The following TMEM94 variants were observed in gnomAD, a reference collection of about 807,000 sequenced individuals.
TMEM94 encodes the protein transmembrane protein 94.
In TMEM94, 81 loss-of-function variants were observed where a neutral mutation model predicts 158.6. The observed-to-expected ratio is 0.51, with a 90% CI of 0.43 to 0.61. The LOEUF is 0.61. Among genes scored for constraint, TMEM94 ranks in the 20% least tolerant of loss-of-function variants. The pLI is 0.00. For synonymous variants in TMEM94, 751 were observed against 730.7 expected (o/e 1.03, Z -0.45); for missense variants, 1,435 against 1,762.0 (o/e 0.81, Z 3.32).
intron 4 of TMEM94, 47 bp from the exon 5 acceptor site, chr17:75,486,243 G>T: frequency 1.2e-6 from 2 of 1,609,730 alleles, no homozygotes; most frequent in Non-Finnish European, 8.5e-7. Context: ...TGCTGGGTGG[G>T]CGAGCCCTCA....
chr17:75,462,401 G>A (rs1346965917), intron 1 of TMEM94, among the ~76,000 whole-genome samples: 1 of 151,298 alleles, frequency 6.6e-6, no homozygotes, highest in Non-Finnish European at 1.5e-5. Context: ...TTGGATTTTT[G>A]GTTTCACATT....
intron 1 of TMEM94, among the ~76,000 whole-genome samples, chr17:75,463,904 T>C (rs1050408171): frequency 6.6e-6 from 1 of 152,226 alleles, no homozygotes; most frequent in Non-Finnish European, 1.5e-5. Flanking sequence ...AAAACTTCCC[T>C]CCAGCTTAAC....
At chr17:75,461,744 A>T (rs974268493) in intron 1 of TMEM94, among the ~76,000 whole-genome samples, 1 of 151,316 alleles carries the variant, frequency 6.6e-6, no homozygotes, top group African/African-American at 2.4e-5. Context: ...TAACATGGTG[A>T]AACCCCGTCT....
In TMEM94 at chr17:75,500,181, G is replaced by C. The variant is rs1001299942; in HGVS notation, c.*847G>C. 5 of 152,320 alleles carry C rather than the reference G, an allele frequency of 3.3e-5. No homozygotes were observed. The highest frequency in any genetic ancestry group is 5.9e-5 in the Non-Finnish European group (4 of 68,116). The allele number at this position is 152,320 out of a possible 1,614,324, so 9.4% of individuals were successfully genotyped here. On this transcript the variant is annotated 3_prime_UTR_variant, in exon 32 of 32. Coordinates refer to ENST00000314256, the MANE Select transcript of TMEM94 (RefSeq NM_014738.6). ...GCCTAAACCTTCCTCCATCTACGCG[G>C]GTGGGTCCCTCAGGTCTGGCTCAGG...
In TMEM94 at chr17:75,494,769, C is replaced by T. The variant is rs2052526433; in HGVS notation, c.2550C>T (p.Arg850=). Residue 850 remains arginine (R), a synonymous_variant, in exon 19 of 32, where the codon CGC becomes CGT. Transcript: ENST00000314256. ...LIDGLVNACI[R]FVYFSLEDEL... is the part of the protein sequence containing the mutation. ...ATGGGCTTGTCAACGCCTGCATCCG[C>T]TTTGTCTACTTCTCTTTGGAGGATG... The T allele has an allele frequency of 2.5e-6, 4 of 1,613,688 alleles. No individual in the cohort carries two copies. Among genetic ancestry groups the T allele is most frequent in the Non-Finnish European group, 3.4e-6 (4 of 1,180,032 alleles).
Position 75,463,069 on chromosome 17 carries a change from TATATATATATACAC to T in TMEM94, c.-107+6320_-107+6333del, listed in dbSNP as rs1386264423. Among the ~76,000 whole-genome samples, 13 of 15,132 alleles carry T rather than the reference TATATATATATACAC, an allele frequency of 8.6e-4. No homozygotes were observed. In the African/African-American group the frequency reaches 0.011, roughly 12 times the overall value. The allele number at this position is 15,132 out of a possible 152,430, so 9.9% of individuals were successfully genotyped here. A position where few individuals can be genotyped will look rare whatever the true frequency, so the allele number is the denominator to read the frequency against. On this transcript the variant is annotated intron_variant, in intron 1 of 31. Transcript: ENST00000314256. ...ATATATATATATATATATATATATA[TATATATATATACAC>T]ACACACACACATATATATGTGTGTA...
intron 6 of TMEM94, 89 bp downstream of exon 6, chr17:75,488,223 T>G (rs1411281352): frequency 4.6e-6 from 6 of 1,300,856 alleles, no homozygotes; most frequent in African/African-American, 1.5e-5. Context: ...ATCCGGAAGC[T>G]TCCCGGCCAG....
chr17:75,493,570 C>T lies in TMEM94; in HGVS notation c.2166C>T (p.Ile722=), dbSNP rs2052408714. ...CAGACTTCTGGGACGGAGCTGACAT[C>T]TACCCTCTCTCGGGATCTGACAGGT... ...ACTDFWDGAD[I]YPLSGSDRKK... is the part of the protein sequence containing the mutation. The change falls in exon 17 of 32, where the codon ATC becomes ATT. Residue 722 remains isoleucine, a synonymous_variant. Transcript: ENST00000314256. 1 of 1,613,934 alleles carries T rather than the reference C, an allele frequency of 6.2e-7. No homozygotes were observed.
At chr17:75,457,841 C>A (rs1319772990) in intron 1 of TMEM94, among the ~76,000 whole-genome samples, 1 of 152,084 alleles carries the variant, frequency 6.6e-6, no homozygotes, top group African/African-American at 2.4e-5. Context: ...AGTTCTTTAT[C>A]CGCTAGACCT....
intron 1 of TMEM94, among the ~76,000 whole-genome samples, chr17:75,462,801 G>T (rs1255340082): frequency 6.9e-6 from 1 of 145,906 alleles, no homozygotes; most frequent in Non-Finnish European, 1.5e-5. Flanking sequence ...GACCAGTCTG[G>T]GCAACATAGC....
At chr17:75,490,479 C>A in intron 10 of TMEM94, 129 bp downstream of exon 10, 1 of 1,108,040 alleles carries the variant, frequency 9.0e-7, no homozygotes, top group Non-Finnish European at 1.3e-6. Context: ...GGCAGCTCTC[C>A]AGGCCTCGGG....
Position 75,489,462 on chromosome 17 carries a change from T to G in TMEM94, c.867+94T>G. 6.7e-7 allele frequency: 1 copy of G among 1,485,492 alleles called. No homozygotes were observed. Among genetic ancestry groups the G allele is most frequent in the Non-Finnish European group, 9.4e-7 (1 of 1,064,698 alleles). The allele number at this position is 1,485,492 out of a possible 1,614,324, so 92.0% of individuals were successfully genotyped here. On this transcript the variant is annotated intron_variant, in intron 8 of 31. Transcript: ENST00000314256. This position sits in a 1 kb window ranked among gnomAD's most constrained non-coding sequence, Gnocchi z 5.0. ...GGCCACTCACATGAGCGGGAGTGAATGCAGAGGGTCCCAGAGTGAGCCAGC... is the reference window on the plus strand; with the variant it reads ...GGCCACTCACATGAGCGGGAGTGAAGGCAGAGGGTCCCAGAGTGAGCCAGC...
intron 2 of TMEM94, among the ~76,000 whole-genome samples, chr17:75,478,660 T>C (rs997894778): frequency 1.3e-5 from 2 of 152,210 alleles, no homozygotes; most frequent in African/African-American, 4.8e-5. Flanking sequence ...AAGCCCTGTG[T>C]TGGGCGTTTG....
rs377395182 is a variant in TMEM94 at position 75,498,603 on chromosome 17, C to A, written c.3734-26C>A. 1.9e-6 allele frequency: 3 copies of A among 1,612,706 alleles called. No homozygotes were observed. In the South Asian group the frequency reaches 3.3e-5, roughly 18 times the overall value. On this transcript the variant is annotated intron_variant, in intron 29 of 31. Coordinates refer to ENST00000314256, the MANE Select transcript of TMEM94 (RefSeq NM_014738.6). This position sits in a 1 kb window ranked among gnomAD's most constrained non-coding sequence, Gnocchi z 6.7. ...GAGGAGCCCCACTGTGGAAGTCTGA[C>A]CCCCACATCGCCCCACCTTCCCCAG... is the stretch of plus-strand genomic sequence containing the variant.
At chr17:75,496,098 G>A in intron 23 of TMEM94, 24 bp downstream of exon 23, 1 of 1,581,838 alleles carries the variant, frequency 6.3e-7, no homozygotes, top group Non-Finnish European at 8.6e-7. Flanking sequence ...CCTGGAGCCT[G>A]CGGGCCAGCC....
intron 6 of TMEM94, among the ~76,000 whole-genome samples, 197 bp downstream of exon 6, chr17:75,488,331 C>T (rs1219133684): frequency 6.6e-6 from 1 of 152,204 alleles, no homozygotes; most frequent in Admixed American, 6.5e-5. Context: ...GGCTGGAGTG[C>T]AGTGGCACGA....
Position 75,486,379 on chromosome 17 carries a change from G to T in TMEM94, c.362G>T (p.Arg121Leu), listed in dbSNP as rs747217252. 1 of 1,614,230 alleles carries T rather than the reference G, an allele frequency of 6.2e-7. No homozygotes were observed. The highest frequency in any genetic ancestry group is 8.5e-7 in the Non-Finnish European group (1 of 1,180,030). The change falls in exon 5 of 32, where the codon CGT (arginine) becomes CTT (leucine). Residue 121 changes from arginine to leucine, a missense_variant. Arg to Leu is a moderately radical substitution (Grantham distance 102). Around this residue, in one of 3 missense-constraint regions of TMEM94, gnomAD observed 1,051 missense variants for 1,254.4 expected, o/e 0.84. Coordinates refer to ENST00000314256, the MANE Select transcript of TMEM94 (RefSeq NM_014738.6). ...ATCGGGCGGCAAGACCGGCTGAAGCGTCGGGAGGTAGAGCGGAGGCTGCGA... is the reference window on the plus strand; with the variant it reads ...ATCGGGCGGCAAGACCGGCTGAAGCTTCGGGAGGTAGAGCGGAGGCTGCGA... ...VLIGRQDRLK[R>L]REVERRLRGI...
At chr17:75,486,047 C>T in intron 4 of TMEM94, 49 bp downstream of exon 4, 2 of 1,555,190 alleles carry the variant, frequency 1.3e-6, no homozygotes, top group Non-Finnish European at 1.7e-6. Context: ...TGCTGTCCAT[C>T]CTGCCGCGGC....
intron 2 of TMEM94, among the ~76,000 whole-genome samples, chr17:75,480,589 T>C (rs1428904628): frequency 6.6e-6 from 1 of 152,216 alleles, no homozygotes; most frequent in Non-Finnish European, 1.5e-5. Flanking sequence ...ACAGCTGCCA[T>C]GTGGCCCACG....
Sources: allele counts gnomAD v4.1 joint callset (sites outside exome capture counted in the v4.1 genomes callset), GRCh38; gene constraint gnomAD v4.1.1; regional missense constraint gnomAD v4.1.1; non-coding constraint Gnocchi (gnomAD v3.1); transcripts MANE v1.5; gene names NCBI Gene and HGNC (gene_info 2026-07-23, HGNC 2026-07-21).